C17orf75: variants seen among roughly 807,000 people sequenced by gnomAD.
C17orf75 encodes the protein protein Njmu-R1.
In C17orf75, 32 loss-of-function variants were observed where a neutral mutation model predicts 49.6. The ratio of observed to expected loss-of-function variants is 0.65; its 90% CI spans 0.49 to 0.87. The LOEUF (loss-of-function observed/expected upper bound fraction) is 0.87. Among genes scored for constraint, C17orf75 ranks in the 40% least tolerant of loss-of-function variants. The pLI, the probability that C17orf75 is intolerant of heterozygous loss-of-function variation, is 0.00. For synonymous variants in C17orf75, 158 were observed against 159.5 expected (o/e 0.99, Z 0.07); for missense variants, 428 against 473.9 (o/e 0.90, Z 0.90).
At chr17:32,333,328 T>C (rs1179976099) in intron 9 of C17orf75, 89 bp downstream of exon 9, 1 of 878,662 alleles carries the variant, frequency 1.1e-6, no homozygotes, top group East Asian at 2.4e-5. Flanking sequence ...ACATCACAGC[T>C]ATAAAGCAAT....
intron 3 of C17orf75, among the ~76,000 whole-genome samples, chr17:32,338,948 G>GGGTAT (rs1392701533): frequency 7.9e-5 from 12 of 152,018 alleles, no homozygotes; most frequent in Non-Finnish European, 1.8e-4. Flanking sequence ...AAAATTAGCC[G>GGGTAT]GGTATGGTGG....
intron 8 of C17orf75, 125 bp from the exon 9 acceptor site, chr17:32,333,645 C>A: frequency 7.9e-6 from 6 of 759,616 alleles, no homozygotes; most frequent in African/African-American, 1.8e-5. Flanking sequence ...CTAACTATAT[C>A]GTTAGTAGAG....
At chr17:32,344,321 A>G (rs1050712355), upstream of C17orf75, among the ~76,000 whole-genome samples, 1 of 152,170 alleles carries the variant, frequency 6.6e-6, no homozygotes, top group Non-Finnish European at 1.5e-5. Flanking sequence ...AGCAGCCATA[A>G]GAAACTAATA....
Position 32,329,481 on chromosome 17 carries a change from TAGTG to T in C17orf75, c.*2278_*2281del, listed in dbSNP as rs1289010326. On this transcript the variant is annotated 3_prime_UTR_variant, in exon 10 of 10. Transcript: ENST00000577809. ...GAGTTTAAGACCAGTCTGAGCAACATAGTGAGACCCCATTTCATTAAAAAAAAAA... is the reference window on the plus strand; with the variant it reads ...GAGTTTAAGACCAGTCTGAGCAACATAGACCCCATTTCATTAAAAAAAAAA... 1 of 150,342 alleles carries T rather than the reference TAGTG, an allele frequency of 6.7e-6. No individual in the cohort carries two copies. Among genetic ancestry groups the T allele is most frequent in the Non-Finnish European group, 1.5e-5 (1 of 67,730 alleles). The allele number at this position is 150,342 out of a possible 1,614,324, so 9.3% of individuals were successfully genotyped here.
At chr17:32,348,086 C>T (rs1324034210) in intron 1 of C17orf75, among the ~76,000 whole-genome samples, 3 of 151,514 alleles carry the variant, frequency 2.0e-5, no homozygotes, top group Non-Finnish European at 2.9e-5. Flanking sequence ...AGAGTGATCT[C>T]GGCTCACTGC....
intron 1 of C17orf75, among the ~76,000 whole-genome samples, chr17:32,349,491 G>A (rs576334917): frequency 2.6e-4 from 40 of 152,276 alleles, no homozygotes; most frequent in Non-Finnish European, 2.9e-4. Context: ...TGAGGTAGGA[G>A]AATCGCTTGA....
rs1220948921 is a variant in C17orf75, at chr17:32,329,507, A to C, written c.*2256T>G. The stretch of plus-strand genomic sequence containing the variant: ...AGTGAGACCCCATTTCATTAAAAAA[A>C]AAAAAAGATAAAATAAGACTATCAT... On this transcript the variant is annotated 3_prime_UTR_variant, in exon 10 of 10. Coordinates refer to ENST00000577809, the MANE Select transcript of C17orf75 (RefSeq NM_022344.4). The C allele has an allele frequency of 6.6e-6, 1 of 152,042 alleles. No individual in the cohort carries two copies. The highest frequency in any genetic ancestry group is 1.5e-5 in the Non-Finnish European group (1 of 68,020). 9.4% of individuals were successfully genotyped at this position (152,042 alleles called of 1,614,324 possible).
intron 6 of C17orf75, 65 bp downstream of exon 6, chr17:32,335,258 G>T (rs1470901248): frequency 1.1e-5 from 18 of 1,570,668 alleles, no homozygotes; most frequent in East Asian, 2.2e-5. Context: ...GAGAAAATGA[G>T]TATGTTTCTA....
rs1025732685 is a variant in C17orf75 at position 32,332,323 on chromosome 17, G to T, written c.976-345C>A. Among the ~76,000 whole-genome samples, 13 of 152,122 alleles carry T rather than the reference G, an allele frequency of 8.5e-5. No individual in the cohort carries two copies. In the East Asian group the frequency reaches 2.1e-3, roughly 25 times the overall value. ...ACACCAGGCTAATTTTGTATTTTCA[G>T]TAGAGACGGGGTTTCACCATGTTGG... On this transcript the variant is annotated intron_variant, in intron 9 of 9. Transcript: ENST00000577809.
chr17:32,338,474 G>A, intron 3 of C17orf75, 123 bp from the exon 4 acceptor site: 4 of 903,926 alleles, frequency 4.4e-6, no homozygotes, highest in Non-Finnish European at 4.8e-6. Context: ...CACTAACTCA[G>A]AGCTTCCCAG....
In C17orf75 at chr17:32,341,194, C is replaced by T. The variant is rs539540632; in HGVS notation, c.221+10G>A. On this transcript the variant is annotated intron_variant, in intron 2 of 9. Transcript: ENST00000577809. Reference sequence around the variant, plus strand: ...AGCACATGCATGAATTATGCTGAAGCTCTTTTTACCTGAAATCATCACCAG... The same window carrying T: ...AGCACATGCATGAATTATGCTGAAGTTCTTTTTACCTGAAATCATCACCAG... The T allele has an allele frequency of 5.0e-6, 8 of 1,613,542 alleles. No homozygotes were observed. In the East Asian group the frequency reaches 8.9e-5, roughly 18 times the overall value.
intron 1 of C17orf75, among the ~76,000 whole-genome samples, chr17:32,349,641 C>G (rs1194033656): frequency 1.3e-5 from 2 of 152,048 alleles, no homozygotes; most frequent in Admixed American, 1.3e-4. Flanking sequence ...CGACCACTAC[C>G]ACTACAGCCG....
chr17:32,347,782 G>T (rs1459305730), intron 1 of C17orf75, among the ~76,000 whole-genome samples: 1 of 152,152 alleles, frequency 6.6e-6, no homozygotes, highest in African/African-American at 2.4e-5. Context: ...CCTGCTAAAG[G>T]TCCCAACTCT....
At chr17:32,345,554 G>A (rs1227813191), upstream of C17orf75, among the ~76,000 whole-genome samples, 14 of 139,460 alleles carry the variant, frequency 1.0e-4, no homozygotes, top group South Asian at 2.4e-4. Flanking sequence ...TCCCCTGGCC[G>A]GGCGCGGTGG....
chr17:32,343,250 T>C (rs372398434), upstream of C17orf75, among the ~76,000 whole-genome samples: 36 of 152,062 alleles, frequency 2.4e-4, no homozygotes, highest in African/African-American at 8.7e-4. Flanking sequence ...AACTGTGAAA[T>C]AATACATTTC....
intron 1 of C17orf75, among the ~76,000 whole-genome samples, chr17:32,347,806 T>C (rs1035242455): frequency 6.6e-6 from 1 of 152,164 alleles, no homozygotes; most frequent in Admixed American, 6.6e-5. Context: ...TGCTATCACA[T>C]TGGTGATTAC....
chr17:32,339,871 G>A lies in C17orf75; in HGVS notation c.289C>T (p.Arg97Cys), dbSNP rs563163507. 22 of 1,613,976 alleles carry A rather than the reference G, an allele frequency of 1.4e-5. No individual in the cohort carries two copies. The highest frequency in any genetic ancestry group is 6.6e-5 in the South Asian group (6 of 91,076). ...TCAAAGACTGCACCTCTTGAAAGAC[G>A]CTTAGCAATGAAACTGCGCAGCTCT... ...EPELRSFIAK[R>C]LSRGAVFEGL... Residue 97 changes from arginine to cysteine, a missense_variant, in exon 3 of 10, where the codon CGT becomes TGT. Coordinates refer to ENST00000577809, the MANE Select transcript of C17orf75 (RefSeq NM_022344.4).
chr17:32,341,934 G>A (rs1396425943), intron 1 of C17orf75, 66 bp downstream of exon 1: 3 of 1,215,254 alleles, frequency 2.5e-6, no homozygotes, highest in South Asian at 2.8e-5. Context: ...GTGCAAGGCC[G>A]GGCGGCGGGC....
At chr17:32,341,666 G>C in intron 1 of C17orf75, 1 of 414,034 alleles carries the variant, frequency 2.4e-6, no homozygotes, top group Non-Finnish European at 3.6e-6. Flanking sequence ...GATAATGACA[G>C]AAAGGAGAGG....
Sources: gnomAD v4.1 joint callset for allele counts (sites outside exome capture counted in the v4.1 genomes callset) on GRCh38, gnomAD v4.1.1 for gene constraint, MANE v1.5 for transcripts, NCBI Gene and HGNC (gene_info 2026-07-23, HGNC 2026-07-21) for gene names.